CRISP2: variants seen among roughly 807,000 people sequenced by gnomAD.
CRISP2 encodes cysteine-rich secretory protein 2.
CRISP2 carries 29 observed loss-of-function variants against 31.7 expected under a neutral mutation model. That is an observed-to-expected ratio of 0.92 (90% CI 0.68 to 1.25). The LOEUF is 1.25. Ranked by LOEUF, CRISP2 falls within the 50% of genes most tolerant of loss-of-function variation. The pLI is 0.00. For synonymous variants in CRISP2, 111 were observed against 101.4 expected (o/e 1.09, Z -0.57); for missense variants, 318 against 286.5 (o/e 1.11, Z -0.79).
intron 4 of CRISP2, among the ~76,000 whole-genome samples, chr6:49,708,512 A>G (rs548626318): frequency 6.6e-6 from 1 of 152,286 alleles, no homozygotes; most frequent in African/African-American, 2.4e-5. Flanking sequence ...TAATGTAAAG[A>G]TGGAGGCAGA....
At position 49,695,910 on chromosome 6, in the gene CRISP2, T is replaced by C. The variant is rs1764660062; in HGVS notation, c.530A>G (p.Asn177Ser). The part of the protein sequence containing the change: ...CQYCPAGNNM[N>S]RKNTPYQQGT... ...TTGTTGGTACGGGGTATTCTTTCTA[T>C]TCATATTATTACCACTGAAATTTGA... is the stretch of plus-strand genomic sequence containing the variant. The change falls in exon 9 of 10, where the codon AAT becomes AGT. Residue 177 changes from asparagine (N) to serine (S), a missense_variant. Asn to Ser is a conservative substitution (Grantham distance 46, BLOSUM62 1). Transcript: ENST00000339139. The C allele has an allele frequency of 3.1e-6, 5 of 1,610,760 alleles. No individual in the cohort carries two copies. The highest frequency in any genetic ancestry group is 4.2e-6 in the Non-Finnish European group (5 of 1,178,172).
At chr6:49,712,868 C>T (rs978932277) in intron 1 of CRISP2, among the ~76,000 whole-genome samples, 3 of 152,180 alleles carry the variant, frequency 2.0e-5, no homozygotes, top group African/African-American at 4.8e-5. Flanking sequence ...GGCTAACTTG[C>T]TTGGAAAATT....
chr6:49,699,299 C>T (rs1471912713), intron 6 of CRISP2, among the ~76,000 whole-genome samples: 1 of 151,486 alleles, frequency 6.6e-6, no homozygotes, highest in African/African-American at 2.4e-5. Context: ...AATTTAAATC[C>T]ACTTTATCCA....
chr6:49,697,084 A>C (rs906875020), intron 8 of CRISP2, among the ~76,000 whole-genome samples: 4 of 152,162 alleles, frequency 2.6e-5, no homozygotes, highest in Non-Finnish European at 5.9e-5. Flanking sequence ...CGCTATCTAC[A>C]GTCTCGAAAC....
At chr6:49,677,480 G>A in the CRISP2 span, among the ~76,000 whole-genome samples, 21 of 152,186 alleles carry the variant, frequency 1.4e-4, no homozygotes, top group Middle Eastern at 3.4e-3. Context: ...AAAGGAGCAC[G>A]GATGACAACT....
In CRISP2 at chr6:49,700,779, G is replaced by T. The variant is rs765069886; in HGVS notation, c.72C>A (p.Pro24=). 5.0e-6 allele frequency: 8 copies of T among 1,590,390 alleles called. No individual in the cohort carries two copies. The highest frequency in any genetic ancestry group is 6.9e-6 in the Non-Finnish European group (8 of 1,160,880). Reference sequence around the variant, plus strand: ...GGGTGGTTAACAAAGCAGTAAAAGCGGGATCCTAAAAGAAAATAAAATTGG... The same window carrying T: ...GGGTGGTTAACAAAGCAGTAAAAGCTGGATCCTAAAAGAAAATAAAATTGG... ...LPSLPAEGKD[P]AFTALLTTQL... The change falls in exon 5 of 10, where the codon CCC becomes CCA. Residue 24 remains proline (P), a synonymous_variant. Transcript: ENST00000339139.
chr6:49,714,023 C>T (rs556571936), upstream of CRISP2, among the ~76,000 whole-genome samples: 1 of 152,312 alleles, frequency 6.6e-6, no homozygotes, highest in African/African-American at 2.4e-5. Flanking sequence ...TCTTGTCCCT[C>T]TTCCCCGTTG....
chr6:49,682,577 CTTTCTTTCTTTTTCTTTCTTTCTTTCTT>C, the CRISP2 span, among the ~76,000 whole-genome samples: 1 of 97,892 alleles, frequency 1.0e-5, no homozygotes, highest in Admixed American at 1.2e-4. Context: ...CTTTCTTTTT[CTTTCTTTCTTTTTCTTTCTTTCTTTCTT>C]TCTTTCTTTC....
the CRISP2 span, among the ~76,000 whole-genome samples, chr6:49,680,155 C>T: frequency 6.6e-6 from 1 of 152,144 alleles, no homozygotes; most frequent in Non-Finnish European, 1.5e-5. Context: ...CTCCTGCATC[C>T]TCCACCCTCT....
chr6:49,679,514 G>A, the CRISP2 span, among the ~76,000 whole-genome samples: 29 of 152,092 alleles, frequency 1.9e-4, no homozygotes, highest in African/African-American at 5.8e-4. Flanking sequence ...CTCACAATAA[G>A]GTTAATGGAA....
At chr6:49,709,571 T>G (rs944456993) in intron 3 of CRISP2, among the ~76,000 whole-genome samples, 25 of 152,198 alleles carry the variant, frequency 1.6e-4, no homozygotes, top group Non-Finnish European at 3.1e-4. Flanking sequence ...ATCTCAATTT[T>G]TGGAGGAAAG....
downstream of CRISP2, among the ~76,000 whole-genome samples, chr6:49,689,469 T>C (rs987297567): frequency 6.6e-6 from 1 of 152,276 alleles, no homozygotes; most frequent in Non-Finnish European, 1.5e-5. Flanking sequence ...AATAACATTG[T>C]TTATTAATCA....
At chr6:49,712,257 A>C (rs1296017939) in intron 2 of CRISP2, among the ~76,000 whole-genome samples, 1 of 152,184 alleles carries the variant, frequency 6.6e-6, no homozygotes, top group Admixed American at 6.5e-5. Flanking sequence ...GCATCTGATG[A>C]GCCAGAATTC....
At chr6:49,679,636 T>C in the CRISP2 span, among the ~76,000 whole-genome samples, 1 of 152,058 alleles carries the variant, frequency 6.6e-6, no homozygotes, top group Admixed American at 6.6e-5. Flanking sequence ...CAAATTTTCA[T>C]AGTTAGAACA....
At chr6:49,700,307 G>C (rs1328086508) in intron 5 of CRISP2, among the ~76,000 whole-genome samples, 4 of 152,092 alleles carry the variant, frequency 2.6e-5, no homozygotes, top group Admixed American at 2.6e-4. Flanking sequence ...TTCAGGGACT[G>C]TGCCCTGGGA....
chr6:49,698,048 T>C lies in CRISP2; in HGVS notation c.418-91A>G, dbSNP rs578196237. On this transcript the variant is annotated intron_variant, in intron 7 of 9. Transcript: ENST00000339139. ...GTAGCAAATATAAAACTGAAAAATG[T>C]TAGTTTTATAGACATATACCATAAA... is the stretch of plus-strand genomic sequence containing the variant. The C allele has an allele frequency of 9.0e-5, 94 of 1,039,564 alleles. No homozygotes were observed. In the African/African-American group the frequency reaches 1.3e-3, roughly 15 times the overall value. The allele number at this position is 1,039,564 out of a possible 1,614,324, so 64.4% of individuals were successfully genotyped here. A position where few individuals can be genotyped will look rare whatever the true frequency, so the allele number is the denominator to read the frequency against.
At chr6:49,701,519 TATATATACACAC>T (rs1343577940) in intron 4 of CRISP2, among the ~76,000 whole-genome samples, 1 of 128,234 alleles carries the variant, frequency 7.8e-6, no homozygotes, top group Non-Finnish European at 1.6e-5. Context: ...TATATATATA[TATATATACACAC>T]ACACACACAC....
At chr6:49,698,951 G>A (rs1256740694) in intron 6 of CRISP2, among the ~76,000 whole-genome samples, 1 of 152,058 alleles carries the variant, frequency 6.6e-6, no homozygotes, top group Non-Finnish European at 1.5e-5. Context: ...AGACTTTATA[G>A]GCTGTCTTTA....
chr6:49,697,661 C>T (rs972343750), intron 8 of CRISP2, 199 bp downstream of exon 8: 1 of 1,432,712 alleles, frequency 7.0e-7, no homozygotes, highest in Non-Finnish European at 9.4e-7. Flanking sequence ...GGAATGAGAG[C>T]TTCAGTTTTT....
Sources: allele counts gnomAD v4.1 joint callset (sites outside exome capture counted in the v4.1 genomes callset), GRCh38; gene constraint gnomAD v4.1.1; transcripts MANE v1.5; gene names NCBI Gene and HGNC (gene_info 2026-07-23, HGNC 2026-07-21).